Variants in DYNC2I1 observed in about 807,000 individuals in gnomAD.
DYNC2I1 encodes cytoplasmic dynein 2 intermediate chain 1.
Under a neutral mutation model 133.4 loss-of-function variants are expected in DYNC2I1, and 89 were observed. The ratio of observed to expected loss-of-function variants is 0.67; its 90% CI spans 0.56 to 0.80. The LOEUF is 0.80. Ranked by LOEUF, DYNC2I1 falls within the 30% of genes least tolerant of loss-of-function variation. The pLI is 0.00. For missense variants in DYNC2I1, 1,291 were observed against 1,314.5 expected (o/e 0.98, Z 0.28); for synonymous variants, 504 against 484.3 (o/e 1.04, Z -0.54).
chr7:158,945,702 C>G lies in DYNC2I1; in HGVS notation c.3124C>G (p.Pro1042Ala), dbSNP rs745769803. 6.2e-7 allele frequency: 1 copy of G among 1,611,484 alleles called. No individual in the cohort carries two copies. ...GCACCTGAAGAGGCGGTGGGCGGCC[C>G]CGGAGGTGGACGAGTGCAACAGGCT... The part of the protein sequence containing the change: ...IQHLKRRWAA[P>A]EVDECNRLRL... The change falls in exon 25 of 25, where the codon CCG (proline) becomes GCG (alanine). Residue 1042 changes from proline (P) to alanine (A), a missense_variant. By Grantham distance (27) the Pro-to-Ala change is conservative. Transcript: ENST00000407559. This position sits in a 1 kb window ranked among gnomAD's most constrained non-coding sequence, Gnocchi z 4.1.
chr7:158,866,272 C>CTG (rs1259417259), intron 1 of DYNC2I1, among the ~76,000 whole-genome samples: 1 of 151,936 alleles, frequency 6.6e-6, no homozygotes, highest in Non-Finnish European at 1.5e-5. Flanking sequence ...TGTCCCCTCT[C>CTG]TGTGGTGCCC....
intron 7 of DYNC2I1, among the ~76,000 whole-genome samples, chr7:158,890,920 A>G (rs925610796): frequency 1.3e-5 from 2 of 152,154 alleles, no homozygotes; most frequent in South Asian, 2.1e-4. Context: ...GTCATTGACA[A>G]AGGTGACATT....
intron 4 of DYNC2I1, among the ~76,000 whole-genome samples, chr7:158,877,823 G>T (rs1410526235): frequency 6.6e-6 from 1 of 152,200 alleles, no homozygotes; most frequent in Non-Finnish European, 1.5e-5. Context: ...GGACTAATTA[G>T]GAGAGAAAGA....
At chr7:158,932,324 G>T (rs1431778238) in intron 21 of DYNC2I1, among the ~76,000 whole-genome samples, 1 of 152,196 alleles carries the variant, frequency 6.6e-6, no homozygotes. Context: ...AGGAGGCAAA[G>T]ACTGAGCCAG....
At chr7:158,891,872 C>T (rs937127374) in intron 8 of DYNC2I1, among the ~76,000 whole-genome samples, 12 of 114,528 alleles carry the variant, frequency 1.0e-4, no homozygotes, top group African/African-American at 2.6e-4. Flanking sequence ...GAATTGCGGA[C>T]GGGGCCTCTG....
intron 9 of DYNC2I1, 95 bp downstream of exon 9, chr7:158,901,911 T>A: frequency 1.0e-6 from 1 of 963,610 alleles, no homozygotes; most frequent in Non-Finnish European, 1.5e-6. Context: ...TTTATTCTTT[T>A]TATTAATCCT....
At chr7:158,929,803 G>A (rs1424512979) in intron 20 of DYNC2I1, among the ~76,000 whole-genome samples, 1 of 152,200 alleles carries the variant, frequency 6.6e-6, no homozygotes, top group Non-Finnish European at 1.5e-5. Context: ...GATATTGGGA[G>A]CAGACACAGG....
chr7:158,928,527 T>G (rs778606992), intron 20 of DYNC2I1, among the ~76,000 whole-genome samples: 3 of 152,164 alleles, frequency 2.0e-5, no homozygotes, highest in Non-Finnish European at 4.4e-5. Flanking sequence ...CTGACTTCAG[T>G]AAAAATAAGA....
intron 14 of DYNC2I1, among the ~76,000 whole-genome samples, chr7:158,914,815 C>A (rs1454450726): frequency 6.6e-6 from 1 of 152,206 alleles, no homozygotes; most frequent in South Asian, 2.1e-4. Context: ...CCACCACCCA[C>A]CCCATCAGTT....
chr7:158,924,422 C>T (rs1009968449), intron 17 of DYNC2I1, among the ~76,000 whole-genome samples: 1 of 152,226 alleles, frequency 6.6e-6, no homozygotes, highest in East Asian at 1.9e-4. Context: ...ACTCACCCCT[C>T]TGTGTGGCTT....
chr7:158,934,999 C>G (rs759400538), intron 23 of DYNC2I1, among the ~76,000 whole-genome samples: 1 of 152,092 alleles, frequency 6.6e-6, no homozygotes, highest in South Asian at 2.1e-4. Flanking sequence ...ATTAAACTCT[C>G]GAGTAATACT....
intron 11 of DYNC2I1, among the ~76,000 whole-genome samples, chr7:158,909,420 T>G (rs751047789): frequency 6.6e-6 from 1 of 151,878 alleles, no homozygotes; most frequent in Non-Finnish European, 1.5e-5. Context: ...TGGTACAATG[T>G]CTGCATAGGC....
At position 158,934,542 on chromosome 7, in the gene DYNC2I1, T is replaced by C. The variant is rs759720933; in HGVS notation, c.2771T>C (p.Ile924Thr). Residue 924 changes from isoleucine to threonine, a missense_variant, in exon 23 of 25, where the codon ATA becomes ACA. Ile to Thr is a moderately conservative substitution (Grantham distance 89). Coordinates refer to ENST00000407559, the MANE Select transcript of DYNC2I1 (RefSeq NM_018051.5). ...VIDFSPFGEPIFLAGCSDGSI... is the reference protein window; with the variant it reads ...VIDFSPFGEPTFLAGCSDGSI... ...GATTTTTCACCATTTGGAGAACCAA[T>C]ATTTTTGGTAAGAAAGTTTGTTTTT... The C allele has an allele frequency of 1.5e-5, 23 of 1,551,690 alleles. No homozygotes were observed. The highest frequency in any genetic ancestry group is 1.9e-5 in the Non-Finnish European group (22 of 1,147,216).
At chr7:158,866,322 C>A (rs1842399876) in intron 1 of DYNC2I1, among the ~76,000 whole-genome samples, 1 of 151,650 alleles carries the variant, frequency 6.6e-6, no homozygotes, top group Non-Finnish European at 1.5e-5. Flanking sequence ...TCCTGGGCAT[C>A]CCTTCTTTGT....
Position 158,922,503 on chromosome 7 carries a change from T to C in DYNC2I1, c.2048T>C (p.Ile683Thr). The change falls in exon 16 of 25, where the codon ATT becomes ACT. Residue 683 changes from isoleucine to threonine, a missense_variant. Physicochemically the swap from Ile to Thr is moderately conservative, Grantham distance 89. Transcript: ENST00000407559. ...DSKYVLCVWD[I>T]WQPSGPQKVL... The stretch of plus-strand genomic sequence containing the variant: ...AAATACGTCCTCTGTGTGTGGGATA[T>C]TTGGCAGCCTTCAGGGCCACAGAAA... The C allele has an allele frequency of 6.2e-7, 1 of 1,613,942 alleles. No individual in the cohort carries two copies. Among genetic ancestry groups the C allele is most frequent in the South Asian group, 1.1e-5 (1 of 91,058 alleles).
chr7:158,906,113 C>G, intron 11 of DYNC2I1, 22 bp downstream of exon 11: 1 of 1,592,742 alleles, frequency 6.3e-7, no homozygotes, highest in Non-Finnish European at 8.6e-7. Context: ...GGGAAAGCAG[C>G]CAAAGGTGTT....
At chr7:158,849,545 A>G in the DYNC2I1 span, among the ~76,000 whole-genome samples, 1 of 152,214 alleles carries the variant, frequency 6.6e-6, no homozygotes, top group African/African-American at 2.4e-5. Flanking sequence ...TGAGTGTTAC[A>G]ACAGCTTGGA....
chr7:158,867,500 T>C (rs1284545195), intron 1 of DYNC2I1, among the ~76,000 whole-genome samples: 1 of 152,162 alleles, frequency 6.6e-6, no homozygotes, highest in Non-Finnish European at 1.5e-5. Flanking sequence ...GGAATCACTA[T>C]CGCGAGGGTT....
rs1289155960 is a variant in DYNC2I1, at chr7:158,909,378, G to T, written c.1461-2172G>T. Among the ~76,000 whole-genome samples the T allele has an allele frequency of 3.4e-5, 5 of 146,810 alleles. No individual in the cohort carries two copies. In the East Asian group the frequency reaches 1.0e-3, roughly 30 times the overall value. On this transcript the variant is annotated intron_variant, in intron 11 of 24. Transcript: ENST00000407559. ...AAAGATAATACTTCAGTACTGATGA[G>T]AATGTAGAGAAAAAGCTTGCTTGAA...
Sources: allele counts gnomAD v4.1 joint callset (sites outside exome capture counted in the v4.1 genomes callset), GRCh38; gene constraint gnomAD v4.1.1; non-coding constraint Gnocchi (gnomAD v3.1); transcripts MANE v1.5; gene names NCBI Gene and HGNC (gene_info 2026-07-23, HGNC 2026-07-21).